The following KHDRBS2 variants were observed in gnomAD, a reference collection of about 807,000 sequenced individuals.
KHDRBS2 encodes KH domain-containing, RNA-binding, signal transduction-associated protein 2.
Under a neutral mutation model 44.3 loss-of-function variants are expected in KHDRBS2, and 26 were observed. The observed-to-expected ratio is 0.59, with a 90% CI of 0.43 to 0.81. The LOEUF (loss-of-function observed/expected upper bound fraction) is 0.81. Among genes scored for constraint, KHDRBS2 ranks in the 40% least tolerant of loss-of-function variants. The pLI is 0.00. For missense variants in KHDRBS2, 476 were observed against 433.1 expected (o/e 1.10, Z -0.88); for synonymous variants, 194 against 151.1 (o/e 1.28, Z -2.08).
intron 3 of KHDRBS2, among the ~76,000 whole-genome samples, chr6:62,037,072 C>A (rs990236729): frequency 6.6e-6 from 1 of 151,834 alleles, no homozygotes; most frequent in Non-Finnish European, 1.5e-5. Flanking sequence ...TCTTGCCTTA[C>A]TCATATTATA....
the KHDRBS2 span, among the ~76,000 whole-genome samples, chr6:61,637,190 C>T: frequency 2.6e-5 from 4 of 152,000 alleles, no homozygotes; most frequent in East Asian, 3.9e-4. Flanking sequence ...CCTGTCCCCC[C>T]ACCCCACAAC....
At chr6:61,678,254 C>A (rs535920182), downstream of KHDRBS2, among the ~76,000 whole-genome samples, 1 of 152,038 alleles carries the variant, frequency 6.6e-6, no homozygotes, top group South Asian at 2.1e-4. Context: ...TCATAACTGT[C>A]CCTGCACTCT....
chr6:61,641,367 T>C, the KHDRBS2 span, among the ~76,000 whole-genome samples: 5 of 152,174 alleles, frequency 3.3e-5, no homozygotes, highest in Non-Finnish European at 7.4e-5. Context: ...CTGTCTGAAG[T>C]CTACACTCTA....
chr6:62,262,905 C>A (rs1292782551), intron 1 of KHDRBS2, among the ~76,000 whole-genome samples: 2 of 151,620 alleles, frequency 1.3e-5, no homozygotes, highest in African/African-American at 4.8e-5. Flanking sequence ...AGAAACCATT[C>A]TCTCTAAAAA....
the KHDRBS2 span, among the ~76,000 whole-genome samples, chr6:61,587,888 G>C: frequency 1.0e-4 from 15 of 145,876 alleles, no homozygotes; most frequent in African/African-American, 3.7e-4. Flanking sequence ...AATTATAGAT[G>C]CTTAGAAAAC....
chr6:61,685,958 T>C (rs1766770596), intron 8 of KHDRBS2, among the ~76,000 whole-genome samples: 1 of 151,666 alleles, frequency 6.6e-6, no homozygotes, highest in African/African-American at 2.4e-5. Context: ...AAAGTTGACA[T>C]TATTTAAGTA....
At chr6:61,991,337 C>T (rs1217739794) in intron 3 of KHDRBS2, among the ~76,000 whole-genome samples, 1 of 152,096 alleles carries the variant, frequency 6.6e-6, no homozygotes, top group African/African-American at 2.4e-5. Context: ...TTTGAAATCA[C>T]TTTATGTAGC....
the KHDRBS2 span, among the ~76,000 whole-genome samples, chr6:61,623,566 A>C: frequency 6.6e-6 from 1 of 152,214 alleles, no homozygotes; most frequent in Non-Finnish European, 1.5e-5. Context: ...GGACCCAGAA[A>C]TCATAAAGTT....
At chr6:61,669,764 T>C in the KHDRBS2 span, among the ~76,000 whole-genome samples, 3 of 150,992 alleles carry the variant, frequency 2.0e-5, no homozygotes, top group African/African-American at 7.3e-5. Context: ...TATAAGAAAT[T>C]TAAGCTTGAA....
In KHDRBS2 at chr6:61,894,658, C is replaced by G; in HGVS notation, c.787G>C (p.Ala263Pro). ...VPGYRAPPPP[A>P]HEAYEEYGYD... is the part of the protein sequence containing the mutation. ...ACATATTCTTCATAAGCTTCATGGG[C>G]TGGAGGAGGAGGTGCCCTGTATCCT... Residue 263 changes from alanine to proline, a missense_variant, in exon 6 of 9, where the codon GCC becomes CCC. Coordinates refer to ENST00000281156, the MANE Select transcript of KHDRBS2 (RefSeq NM_152688.4). The G allele has an allele frequency of 6.2e-7, 1 of 1,612,254 alleles. No homozygotes were observed. The highest frequency in any genetic ancestry group is 8.5e-7 in the Non-Finnish European group (1 of 1,179,444).
the KHDRBS2 span, among the ~76,000 whole-genome samples, chr6:61,599,462 C>CA: frequency 7.2e-5 from 5 of 69,722 alleles, no homozygotes; most frequent in Non-Finnish European, 1.5e-4. Flanking sequence ...GAAGATGTAG[C>CA]CCCCCCAAAA....
intron 6 of KHDRBS2, among the ~76,000 whole-genome samples, chr6:61,806,515 C>T (rs377101773): frequency 6.6e-6 from 1 of 152,204 alleles, no homozygotes; most frequent in South Asian, 2.1e-4. Context: ...TTCCCAAATG[C>T]AAATGGATGA....
At position 62,020,567 on chromosome 6, in the gene KHDRBS2, G is replaced by A. The variant is rs180923570; in HGVS notation, c.336+27311C>T. On this transcript the variant is annotated intron_variant, in intron 3 of 8. Coordinates refer to ENST00000281156, the MANE Select transcript of KHDRBS2 (RefSeq NM_152688.4). Reference sequence around the variant, plus strand: ...ATTTCTCAGCTATAACTGTGGATATGTCTATTTATTAATGCACTTTTGACA... The same window carrying A: ...ATTTCTCAGCTATAACTGTGGATATATCTATTTATTAATGCACTTTTGACA... Among the ~76,000 whole-genome samples the A allele has an allele frequency of 6.6e-4, 80 of 121,986 alleles. 1 individual carries two copies. The highest frequency in any genetic ancestry group is 2.4e-3 in the African/African-American group (79 of 32,670). The allele number at this position is 121,986 out of a possible 152,430, so 80.0% of individuals were successfully genotyped here.
chr6:61,716,616 C>T (rs1257379089), intron 7 of KHDRBS2, among the ~76,000 whole-genome samples: 1 of 151,918 alleles, frequency 6.6e-6, no homozygotes, highest in Non-Finnish European at 1.5e-5. Context: ...AAACGATAGT[C>T]GCTTTAGATA....
the KHDRBS2 span, among the ~76,000 whole-genome samples, chr6:61,560,070 A>G: frequency 6.6e-6 from 1 of 152,084 alleles, no homozygotes; most frequent in Non-Finnish European, 1.5e-5. Context: ...GTATATTTTG[A>G]TTAAATAGGC....
intron 2 of KHDRBS2, among the ~76,000 whole-genome samples, chr6:62,098,244 GT>G (rs35184806): frequency 0.32 from 41,280 of 127,588 alleles, 5,180 homozygotes; most frequent in East Asian, 0.4. Context: ...AGCTTCAAAC[GT>G]TTTTTTTTTT....
chr6:61,618,055 A>G, the KHDRBS2 span, among the ~76,000 whole-genome samples: 6 of 152,206 alleles, frequency 3.9e-5, no homozygotes, highest in Non-Finnish European at 8.8e-5. Flanking sequence ...AAGGAATTTG[A>G]ACCTAAATAG....
At chr6:62,214,882 C>A (rs1829712584) in intron 1 of KHDRBS2, among the ~76,000 whole-genome samples, 1 of 151,986 alleles carries the variant, frequency 6.6e-6, no homozygotes, top group South Asian at 2.1e-4. Flanking sequence ...AAGCTTTTGT[C>A]TCTTCTATCA....
intron 7 of KHDRBS2, among the ~76,000 whole-genome samples, chr6:61,716,452 T>C (rs574844158): frequency 6.6e-6 from 1 of 152,136 alleles, no homozygotes; most frequent in East Asian, 1.9e-4. Context: ...TGTTCTATAC[T>C]ACTAGGTTTT....
Sources: allele counts gnomAD v4.1 joint callset (sites outside exome capture counted in the v4.1 genomes callset), GRCh38; gene constraint gnomAD v4.1.1; transcripts MANE v1.5; gene names NCBI Gene and HGNC (gene_info 2026-07-23, HGNC 2026-07-21).